Variants in SSH2 observed in about 807,000 individuals in gnomAD.
SSH2 encodes the protein protein phosphatase Slingshot homolog 2.
Under a neutral mutation model 135.2 loss-of-function variants are expected in SSH2, and 37 were observed. The ratio of observed to expected loss-of-function variants is 0.27; its 90% CI spans 0.21 to 0.36. The LOEUF (loss-of-function observed/expected upper bound fraction) is 0.36. Among genes scored for constraint, SSH2 ranks in the 10% least tolerant of loss-of-function variants. SSH2 has a pLI of 1.00. For missense variants in SSH2, 1,408 were observed against 1,765.3 expected (o/e 0.80, Z 3.63); for synonymous variants, 628 against 646.2 (o/e 0.97, Z 0.43).
At chr17:29,898,283 A>C (rs1195830622) in intron 1 of SSH2, among the ~76,000 whole-genome samples, 5 of 152,124 alleles carry the variant, frequency 3.3e-5, no homozygotes, top group Non-Finnish European at 5.9e-5. Flanking sequence ...AAGATCAGAG[A>C]AGAACTGAAG....
chr17:29,771,316 TG>T (rs1447951367), intron 3 of SSH2, among the ~76,000 whole-genome samples: 1 of 152,246 alleles, frequency 6.6e-6, no homozygotes, highest in Non-Finnish European at 1.5e-5. Flanking sequence ...AACTCTTTTG[TG>T]GACTTTATAT....
chr17:29,679,076 C>G (rs146585484), intron 6 of SSH2, among the ~76,000 whole-genome samples: 14 of 152,146 alleles, frequency 9.2e-5, no homozygotes, highest in Non-Finnish European at 7.3e-5. Context: ...GGAAGAGGTT[C>G]GTACAGAAAG....
intron 3 of SSH2, among the ~76,000 whole-genome samples, chr17:29,770,031 T>C (rs527985185): frequency 7.2e-5 from 11 of 152,062 alleles, no homozygotes; most frequent in African/African-American, 2.2e-4. Context: ...CTTCATCCTT[T>C]CTCTAACACA....
intron 2 of SSH2, among the ~76,000 whole-genome samples, chr17:29,820,109 C>G (rs1376596219): frequency 6.6e-6 from 1 of 152,140 alleles, no homozygotes; most frequent in African/African-American, 2.4e-5. Context: ...AACCAGTCCC[C>G]TCACATTTTC....
intron 14 of SSH2, among the ~76,000 whole-genome samples, chr17:29,641,036 A>G (rs1212093050): frequency 6.6e-6 from 1 of 152,004 alleles, no homozygotes; most frequent in Non-Finnish European, 1.5e-5. Context: ...CAGCCTCCAG[A>G]GTAGTTGGAA....
chr17:29,901,213 G>A (rs1466987237), intron 1 of SSH2, among the ~76,000 whole-genome samples: 12 of 152,088 alleles, frequency 7.9e-5, no homozygotes, highest in Admixed American at 6.6e-4. Context: ...CACCAACATG[G>A]CATATGTATA....
chr17:29,714,375 C>T (rs754412927), intron 3 of SSH2, among the ~76,000 whole-genome samples: 21 of 152,140 alleles, frequency 1.4e-4, no homozygotes, highest in Non-Finnish European at 2.9e-4. Context: ...TATTTAAAAA[C>T]ACACCCGCAG....
intron 3 of SSH2, chr17:29,761,293 TGCACAACTCC>T: frequency 4.7e-6 from 6 of 1,280,200 alleles, no homozygotes; most frequent in Non-Finnish European, 6.1e-6. Flanking sequence ...CGGCTCAAAG[TGCACAACTCC>T]GCATCCTGGC....
At chr17:29,916,454 A>AT (rs373512016) in intron 1 of SSH2, among the ~76,000 whole-genome samples, 159 of 147,360 alleles carry the variant, frequency 1.1e-3, no homozygotes, top group African/African-American at 3.6e-3. Context: ...GTTGTTAAAG[A>AT]TTTTTTTTTT....
intron 4 of SSH2, 67 bp downstream of exon 4, chr17:29,702,892 T>C: frequency 3.3e-6 from 4 of 1,204,512 alleles, no homozygotes; most frequent in Non-Finnish European, 4.9e-6. Flanking sequence ...GATGAGGTAG[T>C]CAACCTTTTA....
At chr17:29,923,199 C>T (rs547947728) in intron 1 of SSH2, among the ~76,000 whole-genome samples, 2 of 152,102 alleles carry the variant, frequency 1.3e-5, no homozygotes, top group Non-Finnish European at 2.9e-5. Flanking sequence ...TGTGAGCCAC[C>T]GTGGCTGGCC....
In SSH2 at chr17:29,648,141, C is replaced by T; in HGVS notation, c.1427+3G>A. 1 of 1,613,478 alleles carries T rather than the reference C, an allele frequency of 6.2e-7. No individual in the cohort carries two copies. Among genetic ancestry groups the T allele is most frequent in the African/African-American group, 1.3e-5 (1 of 75,028 alleles). On this transcript the variant is annotated splice_donor_region_variant and intron_variant, in intron 14 of 15. Coordinates refer to ENST00000540801, the MANE Select transcript of SSH2 (RefSeq NM_001282129.2). The stretch of plus-strand genomic sequence containing the variant: ...GGAGAATTGGAGAAAGTCACTGACT[C>T]ACCTTGCCAGCAAGATCCCCTGATA...
chr17:29,729,848 T>C (rs1451344961), intron 3 of SSH2, among the ~76,000 whole-genome samples: 1 of 150,586 alleles, frequency 6.6e-6, no homozygotes, highest in Non-Finnish European at 1.5e-5. Flanking sequence ...ATTGAACTTA[T>C]GGAGCTAGGG....
intron 6 of SSH2, among the ~76,000 whole-genome samples, chr17:29,683,016 T>C (rs749948586): frequency 2.6e-5 from 4 of 152,328 alleles, no homozygotes; most frequent in Non-Finnish European, 4.4e-5. Context: ...AGGAATAAGG[T>C]AAACATTGGT....
At chr17:29,766,030 A>AAG (rs2041439285) in intron 3 of SSH2, among the ~76,000 whole-genome samples, 2 of 151,376 alleles carry the variant, frequency 1.3e-5, no homozygotes, top group Non-Finnish European at 2.9e-5. Context: ...CAAAAAAAAA[A>AAG]AAAAAAAGAT....
intron 3 of SSH2, among the ~76,000 whole-genome samples, chr17:29,760,089 T>C (rs2041242683): frequency 6.6e-6 from 1 of 151,822 alleles, no homozygotes; most frequent in South Asian, 2.1e-4. Flanking sequence ...CTCAAACGAG[T>C]TTAATTCGAT....
chr17:29,895,222 T>C (rs1195095324), intron 1 of SSH2, among the ~76,000 whole-genome samples: 1 of 142,344 alleles, frequency 7.0e-6, no homozygotes, highest in Non-Finnish European at 1.5e-5. Flanking sequence ...ATATATTTTA[T>C]AAATACATTT....
intron 2 of SSH2, among the ~76,000 whole-genome samples, chr17:29,835,734 G>A (rs2042932333): frequency 6.6e-6 from 1 of 152,094 alleles, no homozygotes; most frequent in South Asian, 2.1e-4. Context: ...TTCATATACT[G>A]TTTATAGCCC....
chr17:29,681,567 A>G (rs1400983410), intron 6 of SSH2, among the ~76,000 whole-genome samples: 1 of 148,930 alleles, frequency 6.7e-6, no homozygotes, highest in Non-Finnish European at 1.5e-5. Flanking sequence ...AAAGAAATGG[A>G]AAAAAAAAAC....
Sources: gnomAD v4.1 joint callset for allele counts (sites outside exome capture counted in the v4.1 genomes callset) on GRCh38, gnomAD v4.1.1 for gene constraint, MANE v1.5 for transcripts, NCBI Gene and HGNC (gene_info 2026-07-23, HGNC 2026-07-21) for gene names.